PARN: variants seen among roughly 807,000 people sequenced by gnomAD.
PARN encodes poly(A)-specific ribonuclease PARN.
A neutral mutation model predicts 102.8 loss-of-function variants in PARN; 71 were observed. The ratio of observed to expected loss-of-function variants is 0.69; its 90% CI spans 0.57 to 0.84. The LOEUF (loss-of-function observed/expected upper bound fraction) is 0.84. Ranked by LOEUF, PARN falls within the 40% of genes least tolerant of loss-of-function variation. The pLI, the probability that PARN is intolerant of heterozygous loss-of-function variation, is 0.00. For synonymous variants in PARN, 261 were observed against 252.9 expected (o/e 1.03, Z -0.30); for missense variants, 782 against 760.9 (o/e 1.03, Z -0.33).
At chr16:14,499,968 T>C (rs940493774) in intron 21 of PARN, among the ~76,000 whole-genome samples, 2 of 152,252 alleles carry the variant, frequency 1.3e-5, no homozygotes, top group African/African-American at 2.4e-5. Context: ...GAGAGTTTCC[T>C]ACAATGTCAA....
At chr16:14,451,843 TAAAAAAAAAAAAAAAAAAAAAAATACAA>T (rs775004003) in intron 22 of PARN, among the ~76,000 whole-genome samples, 2,304 of 54,580 alleles carry the variant, frequency 0.042, 35 homozygotes, top group African/African-American at 0.09. Flanking sequence ...ACCCCGTCTC[TAAAAAAAAAAAAAAAAAAAAAAATACAA>T]AAAAAAAAAA....
chr16:14,526,057 A>AT (rs1193799294), intron 21 of PARN, among the ~76,000 whole-genome samples: 1 of 151,858 alleles, frequency 6.6e-6, no homozygotes, highest in African/African-American at 2.4e-5. Context: ...ACCTTAAGTG[A>AT]TTCGCCCACC....
intron 21 of PARN, among the ~76,000 whole-genome samples, chr16:14,549,010 G>C (rs1324928004): frequency 6.6e-6 from 1 of 151,624 alleles, no homozygotes; most frequent in African/African-American, 2.4e-5. Flanking sequence ...GGTGGGGAGG[G>C]GAGGGGAAGG....
intron 21 of PARN, among the ~76,000 whole-genome samples, chr16:14,521,474 G>A (rs758461712): frequency 2.6e-5 from 4 of 152,192 alleles, no homozygotes; most frequent in South Asian, 2.1e-4. Context: ...CCACAGGAAC[G>A]CTTTTGCTTT....
In PARN at chr16:14,595,055, C is replaced by T. The variant is rs543221826; in HGVS notation, c.841-1677G>A. Among the ~76,000 whole-genome samples the T allele has an allele frequency of 5.3e-5, 8 of 152,276 alleles. No individual in the cohort carries two copies. The South Asian group carries it at 1.7e-3, about 32-fold the overall frequency. On this transcript the variant is annotated intron_variant, in intron 12 of 23. Coordinates refer to ENST00000437198, the MANE Select transcript of PARN (RefSeq NM_002582.4). ...AGAAACAAACTAACTTGGAAAAGAGCATCTTGACTAGATACTGTAAGGCTA... is the reference window on the plus strand; with the variant it reads ...AGAAACAAACTAACTTGGAAAAGAGTATCTTGACTAGATACTGTAAGGCTA...
At chr16:14,615,951 C>T (rs908138529) in intron 6 of PARN, among the ~76,000 whole-genome samples, 3 of 150,782 alleles carry the variant, frequency 2.0e-5, no homozygotes, top group Non-Finnish European at 4.4e-5. Flanking sequence ...AAACACCTTG[C>T]AAAGAGGTTC....
At position 14,481,408 on chromosome 16, in the gene PARN, G is replaced by A. The variant is rs147153129; in HGVS notation, c.1670+1230C>T. On this transcript the variant is annotated intron_variant, in intron 22 of 23. Coordinates refer to ENST00000437198, the MANE Select transcript of PARN (RefSeq NM_002582.4). Reference sequence around the variant, plus strand: ...TATTTTTTATAAATTCCAAGAATAGGTGAAACTAATCTTAGAGTGGTAAAA... The same window carrying A: ...TATTTTTTATAAATTCCAAGAATAGATGAAACTAATCTTAGAGTGGTAAAA... Among the ~76,000 whole-genome samples, 97 of 152,244 alleles carry A rather than the reference G, an allele frequency of 6.4e-4. No homozygotes were observed. In the East Asian group the frequency reaches 0.011, roughly 18 times the overall value.
intron 22 of PARN, among the ~76,000 whole-genome samples, chr16:14,464,852 T>C (rs915749828): frequency 4.6e-5 from 7 of 151,868 alleles, no homozygotes; most frequent in Admixed American, 2.6e-4. Flanking sequence ...AGCCCAGGAA[T>C]TGGAGACCAG....
chr16:14,457,807 A>AG (rs1318259069), intron 22 of PARN, among the ~76,000 whole-genome samples: 1 of 148,210 alleles, frequency 6.7e-6, no homozygotes, highest in East Asian at 2.0e-4. Flanking sequence ...CAAAAAAAAA[A>AG]AAAAAAAAAA....
At chr16:14,545,233 T>C (rs768870869) in intron 21 of PARN, among the ~76,000 whole-genome samples, 4 of 152,164 alleles carry the variant, frequency 2.6e-5, no homozygotes, top group African/African-American at 9.7e-5. Context: ...CTAACCAATA[T>C]TGATGTTCTT....
intron 18 of PARN, among the ~76,000 whole-genome samples, chr16:14,570,321 CAAAAAAA>C (rs59965954): frequency 4.8e-5 from 3 of 63,082 alleles, no homozygotes; most frequent in African/African-American, 2.1e-4. Context: ...GACTCTGTCT[CAAAAAAA>C]AAAAAAAAAA....
At chr16:14,530,404 G>A (rs1350383525) in intron 21 of PARN, among the ~76,000 whole-genome samples, 1 of 151,994 alleles carries the variant, frequency 6.6e-6, no homozygotes, top group African/African-American at 2.4e-5. Context: ...CTTTAAATGA[G>A]GACTTTAATC....
intron 21 of PARN, among the ~76,000 whole-genome samples, chr16:14,521,263 T>C (rs1965717159): frequency 6.6e-6 from 1 of 152,180 alleles, no homozygotes; most frequent in African/African-American, 2.4e-5. Flanking sequence ...TTTAGAATAA[T>C]GAAGATGAGG....
At chr16:14,577,788 C>G (rs534216773) in intron 18 of PARN, among the ~76,000 whole-genome samples, 15 of 152,192 alleles carry the variant, frequency 9.9e-5, no homozygotes, top group African/African-American at 3.1e-4. Flanking sequence ...CTGCCTCAGC[C>G]CCCCCAGTAG....
chr16:14,502,183 T>C (rs186478417), intron 21 of PARN, among the ~76,000 whole-genome samples: 1 of 152,186 alleles, frequency 6.6e-6, no homozygotes, highest in South Asian at 2.1e-4. Flanking sequence ...CATCTAAGAC[T>C]GGAGTCACAA....
chr16:14,530,658 G>A (rs1221625520), intron 21 of PARN, among the ~76,000 whole-genome samples: 1 of 152,064 alleles, frequency 6.6e-6, no homozygotes, highest in Non-Finnish European at 1.5e-5. Context: ...GTGAGGGAGT[G>A]CAACCCTCAC....
chr16:14,498,977 T>G (rs1170854117), intron 21 of PARN, among the ~76,000 whole-genome samples: 1 of 152,234 alleles, frequency 6.6e-6, no homozygotes, highest in Non-Finnish European at 1.5e-5. Context: ...CCCCAAATGG[T>G]GGCGCAAATC....
At chr16:14,579,593 A>T (rs959239615) in intron 18 of PARN, among the ~76,000 whole-genome samples, 4 of 152,120 alleles carry the variant, frequency 2.6e-5, no homozygotes, top group African/African-American at 9.7e-5. Context: ...TAATAATACA[A>T]ATGAGTCAAC....
chr16:14,621,766 G>A (rs546506009), intron 5 of PARN, among the ~76,000 whole-genome samples: 53 of 150,584 alleles, frequency 3.5e-4, no homozygotes, highest in Middle Eastern at 3.5e-3. Context: ...AGCCAAGATC[G>A]TGCCACTGCA....
Sources: gnomAD v4.1 joint callset for allele counts (sites outside exome capture counted in the v4.1 genomes callset) on GRCh38, gnomAD v4.1.1 for gene constraint, MANE v1.5 for transcripts, NCBI Gene and HGNC (gene_info 2026-07-23, HGNC 2026-07-21) for gene names.